Variants in SLC25A28 observed in about 807,000 individuals in gnomAD.
SLC25A28 encodes the protein mitoferrin-2.
Under a neutral mutation model 31.9 loss-of-function variants are expected in SLC25A28, and 10 were observed. The ratio of observed to expected loss-of-function variants is 0.31; its 90% CI spans 0.19 to 0.53. The LOEUF is 0.53. SLC25A28 is among the 20% of genes least tolerant of loss of function. SLC25A28 has a pLI of 0.95. For synonymous variants in SLC25A28, 208 were observed against 203.6 expected, an observed-to-expected ratio of 1.02 and a Z score of -0.19; for missense variants, 256 against 490.3, an observed-to-expected ratio of 0.52 and a Z score of 4.51.
At chr10:99,637,003 C>T in the SLC25A28 span, among the ~76,000 whole-genome samples, 4 of 152,034 alleles carry the variant, frequency 2.6e-5, no homozygotes, top group South Asian at 2.1e-4. Flanking sequence ...AAAACAACAG[C>T]CCAATATCCC....
the SLC25A28 span, among the ~76,000 whole-genome samples, chr10:99,640,526 G>C: frequency 6.6e-6 from 1 of 152,030 alleles, no homozygotes; most frequent in Admixed American, 6.6e-5. Flanking sequence ...TTAAAATTTT[G>C]TTTTAATGTT....
chr10:99,654,541 A>G, the SLC25A28 span, among the ~76,000 whole-genome samples: 1 of 152,084 alleles, frequency 6.6e-6, no homozygotes, highest in African/African-American at 2.4e-5. Context: ...GTGTGCCTGT[A>G]GTCCCAGTTA....
upstream of SLC25A28, chr10:99,620,758 G>A (rs2034773334): frequency 1.0e-6 from 1 of 985,502 alleles, no homozygotes; most frequent in Non-Finnish European, 1.2e-6. Context: ...TTTGACCGCG[G>A]CCATTGGCCC....
chr10:99,616,432 A>G, intron 1 of SLC25A28: 1 of 970,418 alleles, frequency 1.0e-6, no homozygotes. Flanking sequence ...AAATACAAAG[A>G]TTTTTATTGT....
chr10:99,642,638 C>T, the SLC25A28 span, among the ~76,000 whole-genome samples: 4 of 152,088 alleles, frequency 2.6e-5, no homozygotes, highest in South Asian at 2.1e-4. Context: ...ATCCCTGTCT[C>T]GTGCCAGTTT....
the SLC25A28 span, among the ~76,000 whole-genome samples, chr10:99,655,917 T>A: frequency 6.6e-6 from 1 of 152,152 alleles, no homozygotes; most frequent in African/African-American, 2.4e-5. Flanking sequence ...AGCCTACTTC[T>A]AGAATAGGCT....
chr10:99,610,920 C>T lies in SLC25A28; in HGVS notation c.1024G>A (p.Ala342Thr), dbSNP rs1383005682. Residue 342 changes from alanine (A) to threonine (T), a missense_variant, in exon 4 of 4, where the codon GCA becomes ACA. This residue lies in a region of SLC25A28 where 158 missense variants were observed against 379.1 expected (regional missense o/e 0.42). Transcript: ENST00000370495. ...TTGAAGAACTCATACACAGACCATG[C>T]GATGGCTGTGGAGGGGATCTGGTAA... ...VIYQIPSTAI[A>T]WSVYEFFKYL... 6.2e-6 allele frequency: 10 copies of T among 1,614,224 alleles called. No individual in the cohort carries two copies. Among genetic ancestry groups the T allele is most frequent in the Admixed American group, 1.7e-5 (1 of 60,028 alleles).
At chr10:99,619,450 T>C (rs1189533368) in intron 1 of SLC25A28, 1 of 975,284 alleles carries the variant, frequency 1.0e-6, no homozygotes, top group East Asian at 1.1e-4. Context: ...AACTGAAACC[T>C]ATTCCTGAAT....
rs1447631674 is a variant in SLC25A28, at chr10:99,611,087, T to A, written c.857A>T (p.Lys286Ile). 6.2e-7 allele frequency: 1 copy of A among 1,614,182 alleles called. No individual in the cohort carries two copies. The highest frequency in any genetic ancestry group is 8.5e-7 in the Non-Finnish European group (1 of 1,180,042). ...GGACTCCTGGGTGTTGAGCAGTGTTTTGCAAACGTCCAGTGGGGTTGTGGC... is the reference window on the plus strand; with the variant it reads ...GGACTCCTGGGTGTTGAGCAGTGTTATGCAAACGTCCAGTGGGGTTGTGGC... ...AAATTPLDVCKTLLNTQESLA... is the reference protein window; with the variant it reads ...AAATTPLDVCITLLNTQESLA... Residue 286 changes from lysine to isoleucine, a missense_variant, in exon 4 of 4, where the codon AAA (lysine) becomes ATA (isoleucine). Lys to Ile is a moderately radical substitution (Grantham distance 102). Transcript: ENST00000370495. The surrounding 1 kb of genome is among the most constrained non-coding windows in gnomAD (Gnocchi z 5.5).
intron 2 of SLC25A28, among the ~76,000 whole-genome samples, chr10:99,612,976 T>C (rs1265782524): frequency 6.6e-6 from 1 of 152,056 alleles, no homozygotes; most frequent in Non-Finnish European, 1.5e-5. Context: ...GGTGGTCAGA[T>C]CTCACAGAAC....
the SLC25A28 span, among the ~76,000 whole-genome samples, chr10:99,630,129 AC>A: frequency 6.6e-6 from 1 of 151,744 alleles, no homozygotes; most frequent in African/African-American, 2.4e-5. Context: ...TTGGATGCAA[AC>A]TTTTTCTTTT....
Position 99,610,841 on chromosome 10 carries a change from G to A in SLC25A28, c.*8C>T, listed in dbSNP as rs559139906. On this transcript the variant is annotated 3_prime_UTR_variant, in exon 4 of 4. Transcript: ENST00000370495. ...TCATCTGAACCCCTGGCTTCGTTCA[G>A]TGCTACTTCACTTGCCAGCCCTCCA... 6 of 1,611,578 alleles carry A rather than the reference G, an allele frequency of 3.7e-6. No homozygotes were observed. In the South Asian group the frequency reaches 5.5e-5, roughly 15 times the overall value.
At position 99,610,732 on chromosome 10, in the gene SLC25A28, G is replaced by A; in HGVS notation, c.*117C>T. 1.5e-6 allele frequency: 2 copies of A among 1,328,288 alleles called. No homozygotes were observed. The highest frequency in any genetic ancestry group is 1.5e-5 in the African/African-American group (1 of 68,210). 82.3% of individuals were successfully genotyped at this position (1,328,288 alleles called of 1,614,324 possible). ...TTAGTCAAAACACCAAAATCCTGGG[G>A]GAGAGCCCCTCTACCTTCCTTCTAA... On this transcript the variant is annotated 3_prime_UTR_variant, in exon 4 of 4. Transcript: ENST00000370495.
At chr10:99,655,967 C>T in the SLC25A28 span, among the ~76,000 whole-genome samples, 1 of 152,188 alleles carries the variant, frequency 6.6e-6, no homozygotes, top group Middle Eastern at 3.4e-3. Context: ...GAATTTGGAC[C>T]ATATCTCATT....
the SLC25A28 span, among the ~76,000 whole-genome samples, chr10:99,626,653 T>A: frequency 6.6e-6 from 1 of 152,216 alleles, no homozygotes; most frequent in Non-Finnish European, 1.5e-5. Flanking sequence ...AATCAAGATA[T>A]AACAGTAGAC....
upstream of SLC25A28, chr10:99,622,583 T>A (rs2034817143): frequency 4.3e-6 from 4 of 923,862 alleles, no homozygotes; most frequent in Non-Finnish European, 5.2e-6. Context: ...CCATCGGTCT[T>A]TTTCCTATTC....
chr10:99,616,737 T>G, intron 1 of SLC25A28: 1 of 985,358 alleles, frequency 1.0e-6, no homozygotes, highest in Non-Finnish European at 1.2e-6. Flanking sequence ...ATGGAAGGCT[T>G]GAGAGTCTGA....
the SLC25A28 span, among the ~76,000 whole-genome samples, chr10:99,634,926 A>G: frequency 3.3e-3 from 500 of 152,360 alleles, 3 homozygotes; most frequent in African/African-American, 0.011. Context: ...AGGAAAACCC[A>G]TCAGATTAAC....
chr10:99,640,221 GT>G, the SLC25A28 span, among the ~76,000 whole-genome samples: 2 of 152,190 alleles, frequency 1.3e-5, no homozygotes, highest in Non-Finnish European at 2.9e-5. Flanking sequence ...TTAATTATAA[GT>G]TTCCTTGGAT....
Sources: allele counts gnomAD v4.1 joint callset (sites outside exome capture counted in the v4.1 genomes callset), GRCh38; gene constraint gnomAD v4.1.1; regional missense constraint gnomAD v4.1.1; non-coding constraint Gnocchi (gnomAD v3.1); transcripts MANE v1.5; gene names NCBI Gene and HGNC (gene_info 2026-07-23, HGNC 2026-07-21).